Variants in NCALD observed in about 807,000 individuals in gnomAD.
NCALD encodes neurocalcin-delta.
In NCALD, 10 loss-of-function variants were observed where a neutral mutation model predicts 18.6. That is an observed-to-expected ratio of 0.54 (90% confidence interval 0.33 to 0.91). The LOEUF (loss-of-function observed/expected upper bound fraction) is 0.91. Among genes scored for constraint, NCALD ranks in the 40% least tolerant of loss-of-function variants. The pLI, the probability that NCALD is intolerant of heterozygous loss-of-function variation, is 0.03. For synonymous variants in NCALD, 88 were observed against 87.4 expected (o/e 1.01, Z -0.04); for missense variants, 184 against 247.6 (o/e 0.74, Z 1.72).
At chr8:101,775,161 G>T (rs1811741294) in intron 1 of NCALD, among the ~76,000 whole-genome samples, 1 of 152,136 alleles carries the variant, frequency 6.6e-6, no homozygotes. Context: ...ATGCTATATG[G>T]TTCATCACAT....
At chr8:102,051,528 A>C (rs1409021015) in intron 1 of NCALD, among the ~76,000 whole-genome samples, 1 of 152,210 alleles carries the variant, frequency 6.6e-6, no homozygotes, top group Non-Finnish European at 1.5e-5. Flanking sequence ...TTGTTATAAA[A>C]ATATAAAACT....
At chr8:102,114,230 T>C (rs368416823) in intron 1 of NCALD, among the ~76,000 whole-genome samples, 32 of 152,330 alleles carry the variant, frequency 2.1e-4, no homozygotes, top group African/African-American at 6.7e-4. Flanking sequence ...GATGTGGAGG[T>C]ACTGCCTTCT....
intron 2 of NCALD, among the ~76,000 whole-genome samples, chr8:101,961,024 C>T (rs1819814502): frequency 6.6e-6 from 1 of 152,158 alleles, no homozygotes; most frequent in Admixed American, 6.6e-5. Context: ...TCTAAAGGAT[C>T]ACATTTTGGC....
intron 4 of NCALD, among the ~76,000 whole-genome samples, chr8:101,797,078 T>A (rs1215079789): frequency 6.6e-6 from 1 of 152,224 alleles, no homozygotes; most frequent in Non-Finnish European, 1.5e-5. Context: ...GATTGATGTC[T>A]CATGTCTCCC....
At chr8:101,818,938 A>G (rs1201022797) in intron 4 of NCALD, among the ~76,000 whole-genome samples, 1 of 152,178 alleles carries the variant, frequency 6.6e-6, no homozygotes, top group Non-Finnish European at 1.5e-5. Flanking sequence ...TGGGAGGCAG[A>G]GGTTACAGTG....
chr8:101,911,750 G>C (rs1263277458), intron 3 of NCALD, among the ~76,000 whole-genome samples: 1 of 152,116 alleles, frequency 6.6e-6, no homozygotes, highest in Non-Finnish European at 1.5e-5. Flanking sequence ...CGAATTACCT[G>C]CTTTCTTCAT....
chr8:101,985,556 CTG>C (rs910202704), intron 2 of NCALD, among the ~76,000 whole-genome samples: 10 of 152,188 alleles, frequency 6.6e-5, no homozygotes, highest in African/African-American at 1.4e-4. Context: ...TTTTTAAAAA[CTG>C]TGAAAGGCTA....
rs559132356 is a variant in NCALD at position 102,032,933 on chromosome 8, G to A, written c.-209-12644C>T. ...CACCATTACTGTGTGTTCACCCTGC[G>A]AACAGCAGGGGCCAGCAATGAGTCC... On this transcript the variant is annotated intron_variant, in intron 1 of 6. Coordinates refer to the NCALD transcript ENST00000311028. Among the ~76,000 whole-genome samples, 42 of 152,244 alleles carry A rather than the reference G, an allele frequency of 2.8e-4. 1 individual carries two copies. Among genetic ancestry groups the A allele is most frequent in the African/African-American group, 8.4e-4 (35 of 41,548 alleles).
intron 4 of NCALD, among the ~76,000 whole-genome samples, chr8:101,808,905 CAG>C (rs146283686): frequency 6.6e-6 from 1 of 151,308 alleles, no homozygotes; most frequent in Non-Finnish European, 1.5e-5. Flanking sequence ...GGGAGAGAGA[CAG>C]AGAGAGAGAG....
At chr8:101,856,242 A>G (rs964971881) in intron 4 of NCALD, among the ~76,000 whole-genome samples, 30 of 151,956 alleles carry the variant, frequency 2.0e-4, no homozygotes, top group African/African-American at 7.0e-4. Context: ...TGTAATCTTG[A>G]CTCACTGCAA....
At chr8:102,034,707 T>A (rs777704704) in intron 1 of NCALD, among the ~76,000 whole-genome samples, 1 of 152,164 alleles carries the variant, frequency 6.6e-6, no homozygotes, top group African/African-American at 2.4e-5. Flanking sequence ...GTGGCAGTGA[T>A]GACATCATGG....
intron 4 of NCALD, among the ~76,000 whole-genome samples, chr8:101,808,935 G>C (rs796367361): frequency 6.6e-6 from 1 of 152,194 alleles, no homozygotes; most frequent in African/African-American, 2.4e-5. Flanking sequence ...CATAAAGAGG[G>C]AGATTTCCAT....
intron 3 of NCALD, among the ~76,000 whole-genome samples, chr8:101,891,146 T>G (rs1345746150): frequency 6.6e-6 from 1 of 152,194 alleles, no homozygotes; most frequent in African/African-American, 2.4e-5. Context: ...TAATTTTTTT[T>G]TTACATTTCC....
At chr8:101,929,439 A>AAGGG (rs1818474152) in intron 2 of NCALD, among the ~76,000 whole-genome samples, 1 of 27,468 alleles carries the variant, frequency 3.6e-5, no homozygotes, top group African/African-American at 1.9e-4. Flanking sequence ...GGAAGGAAGG[A>AAGGG]AAGGAGGGAG....
At chr8:102,084,218 T>A (rs979194954) in intron 1 of NCALD, among the ~76,000 whole-genome samples, 1 of 152,236 alleles carries the variant, frequency 6.6e-6, no homozygotes, top group Admixed American at 6.5e-5. Flanking sequence ...TTATTACAGA[T>A]GTTGTTACCA....
chr8:101,821,165 G>A (rs1813704063), intron 4 of NCALD, among the ~76,000 whole-genome samples: 1 of 152,090 alleles, frequency 6.6e-6, no homozygotes, highest in African/African-American at 2.4e-5. Context: ...ACATATAAAA[G>A]AAGCAAAGTT....
chr8:102,003,099 C>G (rs904867552), intron 2 of NCALD, among the ~76,000 whole-genome samples: 2 of 151,846 alleles, frequency 1.3e-5, no homozygotes, highest in Admixed American at 6.6e-5. Flanking sequence ...GAGCTGGTTT[C>G]TTGAAAAGAT....
At chr8:102,109,072 G>A (rs1362543581) in intron 1 of NCALD, among the ~76,000 whole-genome samples, 1 of 152,132 alleles carries the variant, frequency 6.6e-6, no homozygotes, top group Admixed American at 6.5e-5. Flanking sequence ...GAGCTTCTCA[G>A]ACCGCACACT....
rs948959725 is a variant in NCALD, at chr8:101,934,677, G to GA, written c.-156-18820dup. Among the ~76,000 whole-genome samples, 18 of 150,458 alleles carry GA rather than the reference G, an allele frequency of 1.2e-4. No homozygotes were observed. The South Asian group carries it at 1.5e-3, about 12-fold the overall frequency. On this transcript the variant is annotated intron_variant, in intron 2 of 6. Coordinates refer to the NCALD transcript ENST00000311028. The stretch of plus-strand genomic sequence containing the variant: ...AGAGCAGTTTTATTAGATATGACAG[G>GA]AAAAAAAAACAGATTGCAAAAAACC...
Sources: gnomAD v4.1 joint callset for allele counts (sites outside exome capture counted in the v4.1 genomes callset) on GRCh38, gnomAD v4.1.1 for gene constraint, MANE v1.5 for transcripts, NCBI Gene and HGNC (gene_info 2026-07-23, HGNC 2026-07-21) for gene names.